The following MYO10 variants were observed in gnomAD, a reference collection of about 807,000 sequenced individuals.
The protein encoded by MYO10 is myosin X.
A neutral mutation model predicts 257.3 loss-of-function variants in MYO10; 133 were observed. The observed-to-expected ratio is 0.52, with a 90% CI of 0.45 to 0.60. MYO10 has a LOEUF of 0.60. Ranked by LOEUF, MYO10 falls within the 20% of genes least tolerant of loss-of-function variation. MYO10 has a pLI of 0.00. For missense variants in MYO10, 2,399 were observed against 2,635.7 expected, an observed-to-expected ratio of 0.91 and a Z score of 1.97; for synonymous variants, 1,104 against 1,028.6, an observed-to-expected ratio of 1.07 and a Z score of -1.40.
At chr5:16,682,086 C>G in intron 30 of MYO10, 73 bp from the exon 31 acceptor site, 1 of 1,528,666 alleles carries the variant, frequency 6.5e-7, no homozygotes, top group South Asian at 1.2e-5. Flanking sequence ...TGAACCGAGA[C>G]TCAGTGCCTT....
intron 1 of MYO10, among the ~76,000 whole-genome samples, chr5:16,913,727 C>T (rs945092034): frequency 1.3e-5 from 2 of 152,096 alleles, no homozygotes; most frequent in Non-Finnish European, 2.9e-5. Flanking sequence ...ACAAGAGAGA[C>T]AAGTGAGAAC....
At chr5:16,669,958 C>CTTTG (rs1736366041) in intron 39 of MYO10, among the ~76,000 whole-genome samples, 1 of 152,144 alleles carries the variant, frequency 6.6e-6, no homozygotes, top group Admixed American at 6.5e-5. Flanking sequence ...TCCAATAAAA[C>CTTTG]TTTGTTTAGA....
intron 19 of MYO10, among the ~76,000 whole-genome samples, chr5:16,754,039 AATTAC>A (rs1740458942): frequency 6.6e-6 from 1 of 152,118 alleles, no homozygotes; most frequent in African/African-American, 2.4e-5. Flanking sequence ...ATTACATAAA[AATTAC>A]ATTACAATTA....
intron 4 of MYO10, among the ~76,000 whole-genome samples, chr5:16,788,413 G>T (rs907614182): frequency 6.6e-6 from 1 of 152,198 alleles, no homozygotes; most frequent in Non-Finnish European, 1.5e-5. Context: ...ACTTTACCGT[G>T]TGTAAGTTTA....
intron 3 of MYO10, among the ~76,000 whole-genome samples, chr5:16,795,343 C>G (rs1219330771): frequency 6.6e-6 from 1 of 152,190 alleles, no homozygotes; most frequent in Non-Finnish European, 1.5e-5. Flanking sequence ...GTGGCTCATG[C>G]CTGTAATCCC....
intron 33 of MYO10, among the ~76,000 whole-genome samples, chr5:16,676,980 T>G (rs899468867): frequency 2.0e-5 from 3 of 152,256 alleles, no homozygotes; most frequent in African/African-American, 7.2e-5. Context: ...CTGTTTTCTA[T>G]TCTCTCTATA....
chr5:16,758,361 C>T (rs1322390184), intron 17 of MYO10, 135 bp from the exon 18 acceptor site: 4 of 649,464 alleles, frequency 6.2e-6, no homozygotes, highest in Non-Finnish European at 1.1e-5. Flanking sequence ...ACTAAGACAG[C>T]TTCCAAAGAT....
Position 16,815,406 on chromosome 5 carries a change from A to T in MYO10, c.279+2603T>A, listed in dbSNP as rs1047097240. On this transcript the variant is annotated intron_variant, in intron 3 of 40. Coordinates refer to ENST00000513610, the MANE Select transcript of MYO10 (RefSeq NM_012334.3). The stretch of plus-strand genomic sequence containing the variant: ...CACATCAGCATGCAAAATGTCTTGG[A>T]TTTTGAAGCATTGTGGATTTGGAGT... The T allele has an allele frequency of 1.1e-5, 8 of 699,584 alleles. No individual in the cohort carries two copies. In the African/African-American group the frequency reaches 1.2e-4, roughly 11 times the overall value. The allele number at this position is 699,584 out of a possible 1,614,324, so 43.3% of individuals were successfully genotyped here. A position where few individuals can be genotyped will look rare whatever the true frequency, so the allele number is the denominator to read the frequency against.
At chr5:16,678,241 G>A (rs1050434056) in intron 33 of MYO10, among the ~76,000 whole-genome samples, 1 of 152,136 alleles carries the variant, frequency 6.6e-6, no homozygotes, top group African/African-American at 2.4e-5. Flanking sequence ...CAGTGCCCTG[G>A]GTTGCATGGA....
chr5:16,828,151 GATTGGT>G, intron 2 of MYO10, among the ~76,000 whole-genome samples: 1 of 152,250 alleles, frequency 6.6e-6, no homozygotes, highest in East Asian at 1.9e-4. Flanking sequence ...CTGAGGCTTA[GATTGGT>G]GAGGGCAGCA....
At chr5:16,737,540 T>C (rs1056190095) in intron 19 of MYO10, among the ~76,000 whole-genome samples, 7 of 152,230 alleles carry the variant, frequency 4.6e-5, no homozygotes, top group Non-Finnish European at 1.0e-4. Context: ...TCTATTTTAG[T>C]TGAATAGTAA....
chr5:16,742,145 T>TA (rs202135181), intron 19 of MYO10: 50 of 984,972 alleles, frequency 5.1e-5, no homozygotes, highest in South Asian at 1.9e-4. Context: ...AATTTTTTTT[T>TA]AAAAAAAGTC....
intron 1 of MYO10, among the ~76,000 whole-genome samples, chr5:16,918,650 A>T (rs1745895149): frequency 6.6e-6 from 1 of 151,810 alleles, no homozygotes; most frequent in Non-Finnish European, 1.5e-5. Flanking sequence ...ACAGGCATGC[A>T]CCATCACGCC....
intron 2 of MYO10, among the ~76,000 whole-genome samples, chr5:16,823,801 T>C (rs1742916342): frequency 6.6e-6 from 1 of 151,846 alleles, no homozygotes; most frequent in Admixed American, 6.6e-5. Context: ...CGGTTATTTT[T>C]ATGGAACTTT....
intron 25 of MYO10, among the ~76,000 whole-genome samples, chr5:16,700,452 G>C (rs1278271856): frequency 1.3e-5 from 2 of 152,238 alleles, no homozygotes; most frequent in African/African-American, 2.4e-5. Flanking sequence ...CGAGGCAGGT[G>C]GATCACCTGA....
At chr5:16,803,603 G>A (rs186536176) in intron 3 of MYO10, among the ~76,000 whole-genome samples, 2 of 152,182 alleles carry the variant, frequency 1.3e-5, no homozygotes, top group East Asian at 1.9e-4. Context: ...TGTGGCTGGC[G>A]GTAAATTCAG....
intron 18 of MYO10, among the ~76,000 whole-genome samples, chr5:16,755,424 C>T (rs1409392410): frequency 1.3e-5 from 2 of 152,242 alleles, no homozygotes; most frequent in Non-Finnish European, 2.9e-5. Flanking sequence ...CTCAGCCTCC[C>T]AAAGTGCTGG....
In MYO10 at chr5:16,676,082, G is replaced by A. The variant is rs896118985; in HGVS notation, c.4615C>T (p.Pro1539Ser). The A allele has an allele frequency of 1.2e-6, 2 of 1,613,348 alleles. No individual in the cohort carries two copies. Among genetic ancestry groups the A allele is most frequent in the African/African-American group, 1.3e-5 (1 of 74,858 alleles). ...RNPILRYTHH[P>S]LHSPLLPLPY... ...AGGGGCAGGAGCGGGGAGTGCAAGG[G>A]GTGATGGGTGTATCGAAGGATCGGG... Residue 1539 changes from proline (P) to serine (S), a missense_variant, in exon 34 of 41, where the codon CCC becomes TCC. Around this residue, in one of 3 missense-constraint regions of MYO10, gnomAD observed 1,820 missense variants for 1,939.4 expected, o/e 0.94. Transcript: ENST00000513610.
intron 4 of MYO10, among the ~76,000 whole-genome samples, chr5:16,788,508 T>G (rs926828924): frequency 1.7e-4 from 26 of 151,916 alleles, no homozygotes; most frequent in Non-Finnish European, 8.8e-5. Context: ...TGGCTGAGAA[T>G]AGGAGGCACA....
Sources: gnomAD v4.1 joint callset for allele counts (sites outside exome capture counted in the v4.1 genomes callset) on GRCh38, gnomAD v4.1.1 for gene constraint, gnomAD v4.1.1 regional missense constraint, MANE v1.5 for transcripts, NCBI Gene and HGNC (gene_info 2026-07-23, HGNC 2026-07-21) for gene names.